ZNF518A: variants seen among roughly 807,000 people sequenced by gnomAD.
ZNF518A encodes zinc finger protein 518.
In ZNF518A, 47 loss-of-function variants were observed where a neutral mutation model predicts 102.7. That is an observed-to-expected ratio of 0.46 (90% CI 0.36 to 0.58). ZNF518A has a LOEUF of 0.58. Among genes scored for constraint, ZNF518A ranks in the 20% least tolerant of loss-of-function variants. ZNF518A has a pLI of 0.00. For synonymous variants in ZNF518A, 652 were observed against 594.6 expected, an observed-to-expected ratio of 1.10 and a Z score of -1.40; for missense variants, 1,793 against 1,699.8, an observed-to-expected ratio of 1.05 and a Z score of -0.96.
chr10:96,201,614 T>G (rs1171441181), intron 1 of ZNF518A, among the ~76,000 whole-genome samples: 2 of 152,234 alleles, frequency 1.3e-5, no homozygotes, highest in Non-Finnish European at 2.9e-5. Context: ...CTACAATTAT[T>G]TTAAGAGTGT....
rs918151062 is a variant in ZNF518A, at chr10:96,158,169, A to G, written c.1847A>G (p.His616Arg). The G allele has an allele frequency of 6.8e-6, 11 of 1,613,678 alleles. No homozygotes were observed. Among genetic ancestry groups the G allele is most frequent in the Non-Finnish European group, 8.5e-6 (10 of 1,179,748 alleles). The change falls in exon 6 of 6, where the codon CAT becomes CGT. Residue 616 changes from histidine to arginine, a missense_variant. Transcript: ENST00000316045. ...KPNAYNSGDM[H>R]NYCINYGNCE... ...AATGCATACAACAGTGGAGATATGC[A>G]TAATTATTGCATTAATTATGGCAAC...
chr10:96,149,703 C>G (rs1459607736), intron 3 of ZNF518A, among the ~76,000 whole-genome samples: 2 of 152,168 alleles, frequency 1.3e-5, no homozygotes, highest in Admixed American at 6.5e-5. Context: ...AATTTTGTTG[C>G]TATTGCTCCC....
In ZNF518A at chr10:96,156,420, C is replaced by G. The variant is rs1218776826; in HGVS notation, c.98C>G (p.Pro33Arg). ...VKNEIVDRSAPKPKISGSIHY... is the reference protein window; with the variant it reads ...VKNEIVDRSARKPKISGSIHY... Reference sequence around the variant, plus strand: ...AATGAGATAGTTGATAGGTCGGCACCTAAACCAAAAATTTCAGGAAGTATT... The same window carrying G: ...AATGAGATAGTTGATAGGTCGGCACGTAAACCAAAAATTTCAGGAAGTATT... Residue 33 changes from proline (P) to arginine (R), a missense_variant, in exon 6 of 6, where the codon CCT becomes CGT. By Grantham distance (103) the Pro-to-Arg change is moderately radical. This residue lies in a region of ZNF518A where 1,741 missense variants were observed against 1,622.6 expected (regional missense o/e 1.07). Transcript: ENST00000316045. 3 of 1,612,456 alleles carry G rather than the reference C, an allele frequency of 1.9e-6. No individual in the cohort carries two copies. Among genetic ancestry groups the G allele is most frequent in the Non-Finnish European group, 2.5e-6 (3 of 1,179,416 alleles).
At chr10:96,176,343 A>G (rs1013277513) in intron 1 of ZNF518A, among the ~76,000 whole-genome samples, 1 of 152,186 alleles carries the variant, frequency 6.6e-6, no homozygotes, top group Non-Finnish European at 1.5e-5. Flanking sequence ...AAGGAGGAGA[A>G]AAGGGAGAAA....
At position 96,156,573 on chromosome 10, in the gene ZNF518A, C is replaced by T; in HGVS notation, c.251C>T (p.Ser84Phe). The T allele has an allele frequency of 6.2e-7, 1 of 1,613,356 alleles. No individual in the cohort carries two copies. Among genetic ancestry groups the T allele is most frequent in the African/African-American group, 1.3e-5 (1 of 74,990 alleles). Reference protein sequence around the residue: ...FQSKQQTARKSISIKTVSCVE... With the variant: ...FQSKQQTARKFISIKTVSCVE... ...AGTAAACAGCAGACTGCAAGAAAATCTATCAGTATAAAGACTGTAAGCTGT... is the reference window on the plus strand; with the variant it reads ...AGTAAACAGCAGACTGCAAGAAAATTTATCAGTATAAAGACTGTAAGCTGT... The change falls in exon 6 of 6, where the codon TCT becomes TTT. Residue 84 changes from serine (S) to phenylalanine (F), a missense_variant. Ser to Phe is a radical substitution (Grantham distance 155, BLOSUM62 -2). This residue lies in a region of ZNF518A where 1,741 missense variants were observed against 1,622.6 expected (regional missense o/e 1.07). Transcript: ENST00000316045.
At chr10:96,136,115 A>G (rs1426605061) in intron 3 of ZNF518A, among the ~76,000 whole-genome samples, 2 of 152,032 alleles carry the variant, frequency 1.3e-5, no homozygotes, top group Non-Finnish European at 2.9e-5. Context: ...TGTATGAGGC[A>G]TTTGGAAAGC....
chr10:96,169,271 C>T (rs2083160291), intron 1 of ZNF518A, among the ~76,000 whole-genome samples: 1 of 152,212 alleles, frequency 6.6e-6, no homozygotes, highest in African/African-American at 2.4e-5. Flanking sequence ...TCCCAAAACA[C>T]TGTGATTACA....
intron 1 of ZNF518A, among the ~76,000 whole-genome samples, chr10:96,196,109 G>A (rs1278983963): frequency 1.3e-5 from 2 of 152,164 alleles, no homozygotes; most frequent in African/African-American, 2.4e-5. Context: ...TTTTCTGAAG[G>A]AATCTTGAAA....
In ZNF518A at chr10:96,140,955, TGGG is replaced by T. The variant is rs782064403; in HGVS notation, c.-302+7311_-302+7313del. Among the ~76,000 whole-genome samples, 32 of 151,842 alleles carry T rather than the reference TGGG, an allele frequency of 2.1e-4. No homozygotes were observed. In the South Asian group the frequency reaches 6.4e-3, roughly 31 times the overall value. ...TAAGACCCTGTCTCAAAAAAAAAGA[TGGG>T]GGGTTGTGGGAGTGATTTCTGACTC... On this transcript the variant is annotated intron_variant, in intron 3 of 5. Coordinates refer to ENST00000316045, the MANE Select transcript of ZNF518A (RefSeq NM_001330736.2).
Position 96,130,343 on chromosome 10 carries a change from G to C in ZNF518A, c.-862G>C, listed in dbSNP as rs1341566155. ...GGAGAAGTCGGGGTTTTTTTGCCGA[G>C]CGCTTTTGCCGACTGCTAGAGCTTA... On this transcript the variant is annotated 5_prime_UTR_variant, in exon 1 of 6. Coordinates refer to ENST00000316045, the MANE Select transcript of ZNF518A (RefSeq NM_001330736.2). Among the ~76,000 whole-genome samples the C allele has an allele frequency of 2.0e-5, 3 of 152,232 alleles. No homozygotes were observed. Among genetic ancestry groups the C allele is most frequent in the Non-Finnish European group, 4.4e-5 (3 of 68,046 alleles).
Position 96,186,491 on chromosome 10 carries a change from G to A in ZNF518A, n.36-17083G>A, listed in dbSNP as rs587604866. ...TGGCTCACTGCAACCTTCGCCTCCT[G>A]GGTTCAACTGATTCTTCTGCCTCAG... is the stretch of plus-strand genomic sequence containing the variant. On this transcript the variant is annotated intron_variant and non_coding_transcript_variant, in intron 1 of 2. Coordinates refer to the ZNF518A transcript ENST00000442635. 6.6e-5 allele frequency among the ~76,000 whole-genome samples: 10 copies of A among 152,172 alleles called. No individual in the cohort carries two copies. The South Asian group carries it at 2.1e-3, about 32-fold the overall frequency.
intron 1 of ZNF518A, among the ~76,000 whole-genome samples, chr10:96,184,805 T>A (rs587668347): frequency 2.0e-4 from 30 of 152,318 alleles, no homozygotes; most frequent in African/African-American, 7.0e-4. Context: ...TTGAGGAGTA[T>A]CTTTGTGGCA....
At position 96,159,737 on chromosome 10, in the gene ZNF518A, ACAC is replaced by A; in HGVS notation, c.3419_3421del (p.Pro1140del). 1 of 1,613,344 alleles carries A rather than the reference ACAC, an allele frequency of 6.2e-7. No homozygotes were observed. Among genetic ancestry groups the A allele is most frequent in the Non-Finnish European group, 8.5e-7 (1 of 1,179,796 alleles). On this transcript the variant is annotated inframe_deletion, in exon 6 of 6. Coordinates refer to ENST00000316045, the MANE Select transcript of ZNF518A (RefSeq NM_001330736.2). Reference sequence around the variant, plus strand: ...TATACAGCCAAAGAAACCTGAAGGAACACCACAAAGAATATTGCTGAAAATTTT... The same window carrying A: ...TATACAGCCAAAGAAACCTGAAGGAACACAAAGAATATTGCTGAAAATTTT...
chr10:96,192,983 T>G (rs1469626185), intron 1 of ZNF518A, among the ~76,000 whole-genome samples: 1 of 152,212 alleles, frequency 6.6e-6, no homozygotes, highest in Non-Finnish European at 1.5e-5. Flanking sequence ...ACAGTAAAAT[T>G]TTTAAGTGTT....
intron 1 of ZNF518A, among the ~76,000 whole-genome samples, chr10:96,197,674 A>G (rs940406609): frequency 6.6e-6 from 1 of 152,124 alleles, no homozygotes; most frequent in Admixed American, 6.5e-5. Flanking sequence ...CAAAACTTTC[A>G]TTTTATATTT....
intron 1 of ZNF518A, among the ~76,000 whole-genome samples, chr10:96,173,269 G>A (rs996122392): frequency 1.3e-5 from 2 of 152,046 alleles, no homozygotes; most frequent in Admixed American, 6.6e-5. Flanking sequence ...ACAAACCAGG[G>A]CTTTTTACAA....
At chr10:96,168,166 A>G (rs782592709), downstream of ZNF518A, among the ~76,000 whole-genome samples, 1 of 152,212 alleles carries the variant, frequency 6.6e-6, no homozygotes, top group South Asian at 2.1e-4. Flanking sequence ...AAAAGGCCCC[A>G]TGCACAAGGG....
chr10:96,162,040 G>A lies in ZNF518A; in HGVS notation c.*1266G>A, dbSNP rs587767747. ...TTTTGCTGGTTCTTTGGATAATGGAGTTCTTGTGTTAACAAATTACGTGCT... is the reference window on the plus strand; with the variant it reads ...TTTTGCTGGTTCTTTGGATAATGGAATTCTTGTGTTAACAAATTACGTGCT... On this transcript the variant is annotated 3_prime_UTR_variant, in exon 6 of 6. Transcript: ENST00000316045. The A allele has an allele frequency of 4.2e-5, 7 of 167,034 alleles. No homozygotes were observed. Among genetic ancestry groups the A allele is most frequent in the African/African-American group, 1.7e-4 (7 of 41,546 alleles). 10.3% of individuals were successfully genotyped at this position (167,034 alleles called of 1,614,324 possible). A position where few individuals can be genotyped will look rare whatever the true frequency, so the allele number is the denominator to read the frequency against.
At chr10:96,188,597 A>G (rs1428990338) in intron 1 of ZNF518A, among the ~76,000 whole-genome samples, 4 of 152,210 alleles carry the variant, frequency 2.6e-5, no homozygotes, top group Non-Finnish European at 4.4e-5. Context: ...GATGCCACAT[A>G]CTACAAACAG....
Sources: gnomAD v4.1 joint callset for allele counts (sites outside exome capture counted in the v4.1 genomes callset) on GRCh38, gnomAD v4.1.1 for gene constraint, gnomAD v4.1.1 regional missense constraint, MANE v1.5 for transcripts, NCBI Gene and HGNC (gene_info 2026-07-23, HGNC 2026-07-21) for gene names.